The following HECW1 variants were observed in gnomAD, a reference collection of about 807,000 sequenced individuals.
HECW1 encodes the protein HECT, C2 and WW domain containing E3 ubiquitin protein ligase 1.
In HECW1, 61 loss-of-function variants were observed where a neutral mutation model predicts 182.3. The ratio of observed to expected loss-of-function variants is 0.33; its 90% CI spans 0.27 to 0.41. The LOEUF (loss-of-function observed/expected upper bound fraction) is 0.41. Ranked by LOEUF, HECW1 falls within the 10% of genes least tolerant of loss-of-function variation. HECW1 has a pLI of 1.00. For synonymous variants in HECW1, 859 were observed against 832.6 expected (o/e 1.03, Z -0.55); for missense variants, 1,739 against 2,108.9 (o/e 0.82, Z 3.44).
At chr7:43,483,070 G>A (rs952842932) in intron 17 of HECW1, among the ~76,000 whole-genome samples, 5 of 152,142 alleles carry the variant, frequency 3.3e-5, no homozygotes, top group Non-Finnish European at 5.9e-5. Flanking sequence ...TGACTAGTTC[G>A]GTCTGAGCCA....
chr7:43,433,260 G>T (rs2076608045), intron 8 of HECW1, among the ~76,000 whole-genome samples: 1 of 152,202 alleles, frequency 6.6e-6, no homozygotes, highest in Non-Finnish European at 1.5e-5. Context: ...TTTAGATTTG[G>T]TGTAAGAAAT....
chr7:43,560,884 T>G (rs1450040873), intron 29 of HECW1, among the ~76,000 whole-genome samples: 1 of 152,204 alleles, frequency 6.6e-6, no homozygotes, highest in Non-Finnish European at 1.5e-5. Context: ...GAAAACACCA[T>G]TTCAACACAC....
chr7:43,272,717 G>A (rs1319299156), intron 3 of HECW1, among the ~76,000 whole-genome samples: 1 of 152,140 alleles, frequency 6.6e-6, no homozygotes, highest in Non-Finnish European at 1.5e-5. Flanking sequence ...ATACACTGCT[G>A]GTGGGAATGT....
chr7:43,351,223 A>G (rs1271946195), intron 5 of HECW1, among the ~76,000 whole-genome samples: 1 of 152,132 alleles, frequency 6.6e-6, no homozygotes, highest in Non-Finnish European at 1.5e-5. Flanking sequence ...TGAACCATCT[A>G]TAGGTCTCTC....
intron 24 of HECW1, among the ~76,000 whole-genome samples, chr7:43,510,796 C>T (rs1432435036): frequency 6.6e-6 from 1 of 152,144 alleles, no homozygotes; most frequent in East Asian, 1.9e-4. Flanking sequence ...TGGAAGCTGA[C>T]GTTTGAAGAA....
At chr7:43,127,755 A>G (rs1157480328) in intron 2 of HECW1, among the ~76,000 whole-genome samples, 1 of 152,230 alleles carries the variant, frequency 6.6e-6, no homozygotes, top group African/African-American at 2.4e-5. Flanking sequence ...GGTTTAAGGA[A>G]AGACACTATC....
At chr7:43,477,718 G>T (rs1021789003) in intron 16 of HECW1, among the ~76,000 whole-genome samples, 2 of 152,100 alleles carry the variant, frequency 1.3e-5, no homozygotes, top group Admixed American at 6.5e-5. Flanking sequence ...TTCCTGGGGG[G>T]TGTATTTTTA....
At chr7:43,492,958 A>T in intron 18 of HECW1, 126 bp from the exon 19 acceptor site, 1 of 560,650 alleles carries the variant, frequency 1.8e-6, no homozygotes, top group Non-Finnish European at 3.1e-6. Flanking sequence ...CATTTTTTTG[A>T]TGAGTATGCT....
chr7:43,445,043 C>T lies in HECW1; in HGVS notation c.1871C>T (p.Thr624Ile). 6.3e-7 allele frequency: 1 copy of T among 1,575,766 alleles called. No homozygotes were observed. The highest frequency in any genetic ancestry group is 8.6e-7 in the Non-Finnish European group (1 of 1,160,676). ...EEDREEPEGATPGTAHPGHSG... is the reference protein window; with the variant it reads ...EEDREEPEGAIPGTAHPGHSG... ...GACAGAGAAGAGCCCGAGGGGGCTA[C>T]TCCAGGCACGGCGCACCCTGGCCAC... The change falls in exon 11 of 30, where the codon ACT becomes ATT. Residue 624 changes from threonine to isoleucine, a missense_variant. Physicochemically the swap from Thr to Ile is moderately conservative, Grantham distance 89. Around this residue, in one of 5 missense-constraint regions of HECW1, gnomAD observed 971 missense variants for 1,029.1 expected, o/e 0.94. Transcript: ENST00000395891.
chr7:43,456,550 ACTGG>A, intron 13 of HECW1, 103 bp downstream of exon 13: 1 of 1,071,258 alleles, frequency 9.3e-7, no homozygotes, highest in Non-Finnish European at 1.3e-6. Flanking sequence ...GTATGAGGAG[ACTGG>A]AAAGTAATTA....
chr7:43,450,483 C>G (rs1406549783), intron 11 of HECW1, among the ~76,000 whole-genome samples: 1 of 152,172 alleles, frequency 6.6e-6, no homozygotes, highest in Admixed American at 6.5e-5. Context: ...CCTATTTCCT[C>G]CACTGGGCTA....
At chr7:43,552,488 C>T in intron 28 of HECW1, 152 bp downstream of exon 28, 1 of 637,574 alleles carries the variant, frequency 1.6e-6, no homozygotes, top group East Asian at 2.8e-5. Flanking sequence ...TTTTGTGCAA[C>T]CATTGCCTCT....
chr7:43,525,782 G>A (rs2152942512), intron 24 of HECW1, among the ~76,000 whole-genome samples: 1 of 152,284 alleles, frequency 6.6e-6, no homozygotes, highest in South Asian at 2.1e-4. Flanking sequence ...AGTGTGTGAT[G>A]TAATCCAGGA....
At chr7:43,263,606 G>T (rs550832208) in intron 3 of HECW1, among the ~76,000 whole-genome samples, 1 of 152,106 alleles carries the variant, frequency 6.6e-6, no homozygotes, top group African/African-American at 2.4e-5. Flanking sequence ...TGATCCGCCC[G>T]CCTCAGCCTC....
chr7:43,155,080 A>T (rs1789733880), intron 2 of HECW1, among the ~76,000 whole-genome samples: 1 of 152,142 alleles, frequency 6.6e-6, no homozygotes, highest in Non-Finnish European at 1.5e-5. Flanking sequence ...CATGGAGTAA[A>T]TTCATGCACC....
chr7:43,134,880 T>C (rs767064902), intron 2 of HECW1, among the ~76,000 whole-genome samples: 2 of 152,214 alleles, frequency 1.3e-5, no homozygotes, highest in Admixed American at 6.5e-5. Context: ...ATAATCTGGA[T>C]TGTTTTTCTA....
intron 2 of HECW1, among the ~76,000 whole-genome samples, chr7:43,168,979 G>C (rs969562502): frequency 2.0e-5 from 3 of 152,162 alleles, no homozygotes; most frequent in African/African-American, 7.2e-5. Flanking sequence ...CTGAGAGCTT[G>C]GGTGAGGGGT....
At chr7:43,271,044 C>CTGT (rs1192961188) in intron 3 of HECW1, among the ~76,000 whole-genome samples, 5 of 152,160 alleles carry the variant, frequency 3.3e-5, no homozygotes, top group Non-Finnish European at 7.3e-5. Context: ...AATTAATATA[C>CTGT]AGGTTTAATG....
intron 3 of HECW1, among the ~76,000 whole-genome samples, chr7:43,257,892 ACT>A (rs1800751821): frequency 1.3e-5 from 2 of 152,246 alleles, no homozygotes; most frequent in South Asian, 2.1e-4. Flanking sequence ...TGGGTGAAGC[ACT>A]CTTCACATTC....
Sources: gnomAD v4.1 joint callset for allele counts (sites outside exome capture counted in the v4.1 genomes callset) on GRCh38, gnomAD v4.1.1 for gene constraint, gnomAD v4.1.1 regional missense constraint, MANE v1.5 for transcripts, NCBI Gene and HGNC (gene_info 2026-07-23, HGNC 2026-07-21) for gene names.